The following TSTD2 variants were observed in gnomAD, a reference collection of about 807,000 sequenced individuals.
TSTD2 encodes the protein thiosulfate sulfurtransferase/rhodanese-like domain-containing protein 2.
In TSTD2, 37 loss-of-function variants were observed where a neutral mutation model predicts 47.9. The observed-to-expected ratio is 0.77, with a 90% confidence interval of 0.59 to 1.02. The LOEUF is 1.02. TSTD2 is among the 50% of genes least tolerant of loss of function. The probability of loss-of-function intolerance (pLI) is 0.00; values close to 1 mark genes in which losing one functional copy is unlikely to be tolerated. For synonymous variants in TSTD2, 201 were observed against 215.9 expected (o/e 0.93, Z 0.61); for missense variants, 586 against 616.0 (o/e 0.95, Z 0.52).
In TSTD2 at chr9:97,600,193, A is replaced by C; in HGVS notation, c.*2276T>G. ...TTGGAATTTTGAAAACCTCGATTAA[A>C]GTTGCCAAATTGATTACTGGATCCA... is the stretch of plus-strand genomic sequence containing the variant. On this transcript the variant is annotated 3_prime_UTR_variant, in exon 10 of 10. Coordinates refer to ENST00000341170, the MANE Select transcript of TSTD2 (RefSeq NM_139246.5). 2 of 995,866 alleles carry C rather than the reference A, an allele frequency of 2.0e-6. No individual in the cohort carries two copies. The highest frequency in any genetic ancestry group is 2.4e-6 in the Non-Finnish European group (2 of 835,058). The allele number at this position is 995,866 out of a possible 1,614,324, so 61.7% of individuals were successfully genotyped here.
chr9:97,613,806 T>G (rs1564007832), intron 4 of TSTD2, among the ~76,000 whole-genome samples: 2 of 151,920 alleles, frequency 1.3e-5, no homozygotes, highest in Non-Finnish European at 2.9e-5. Context: ...ACACATCAGT[T>G]GATGCCTCAC....
At chr9:97,623,065 T>C (rs769213208) in intron 3 of TSTD2, among the ~76,000 whole-genome samples, 19 of 152,212 alleles carry the variant, frequency 1.2e-4, no homozygotes, top group Non-Finnish European at 2.2e-4. Flanking sequence ...CAGAATGATA[T>C]GGTTTGATTG....
At chr9:97,618,115 T>C (rs1428282347) in intron 3 of TSTD2, among the ~76,000 whole-genome samples, 1 of 152,230 alleles carries the variant, frequency 6.6e-6, no homozygotes, top group Non-Finnish European at 1.5e-5. Flanking sequence ...CTTTGATCCC[T>C]CATTTAATGG....
Position 97,600,202 on chromosome 9 carries a change from A to G in TSTD2, c.*2267T>C. The G allele has an allele frequency of 2.4e-5, 24 of 995,670 alleles. No homozygotes were observed. Among genetic ancestry groups the G allele is most frequent in the Non-Finnish European group, 2.9e-5 (24 of 834,992 alleles). The allele number at this position is 995,670 out of a possible 1,614,324, so 61.7% of individuals were successfully genotyped here. On this transcript the variant is annotated 3_prime_UTR_variant, in exon 10 of 10. Coordinates refer to ENST00000341170, the MANE Select transcript of TSTD2 (RefSeq NM_139246.5). ...TGAAAACCTCGATTAAAGTTGCCAA[A>G]TTGATTACTGGATCCAGAACACAAT...
chr9:97,629,013 T>C (rs1826768065), intron 1 of TSTD2, among the ~76,000 whole-genome samples: 1 of 152,178 alleles, frequency 6.6e-6, no homozygotes, highest in Non-Finnish European at 1.5e-5. Flanking sequence ...GGTTATTTCA[T>C]ATTACTAGTG....
At position 97,604,927 on chromosome 9, in the gene TSTD2, G is replaced by A. The variant is rs143977872; in HGVS notation, c.1114-62C>T. On this transcript the variant is annotated intron_variant, in intron 8 of 9. Transcript: ENST00000341170. ...AGCAGAGACCTGTTAAGATGCTCAC[G>A]GAAGAACGGCGCATGGCGAGGAGTG... 34 of 1,593,656 alleles carry A rather than the reference G, an allele frequency of 2.1e-5. No homozygotes were observed. In the East Asian group the frequency reaches 5.6e-4, roughly 26 times the overall value.
At chr9:97,606,088 T>G in intron 7 of TSTD2, 55 bp downstream of exon 7, 1 of 1,269,836 alleles carries the variant, frequency 7.9e-7, no homozygotes, top group Non-Finnish European at 1.1e-6. Flanking sequence ...TATACCACAC[T>G]GTGGGAATGG....
Position 97,625,914 on chromosome 9 carries a change from C to T in TSTD2, c.249G>A (p.Arg83=). Residue 83 remains arginine (R), a synonymous_variant, in exon 3 of 10, where the codon CGG becomes CGA. Transcript: ENST00000341170. Reference sequence around the variant, plus strand: ...TGCTGGTTTGGTCTGTGAATAGCTGCCGACAGCATTTCCACAATTTTTCTT... The same window carrying T: ...TGCTGGTTTGGTCTGTGAATAGCTGTCGACAGCATTTCCACAATTTTTCTT... ...ECKEKLWKCC[R]QLFTDQTSIH... The T allele has an allele frequency of 6.2e-7, 1 of 1,614,102 alleles. No homozygotes were observed. The highest frequency in any genetic ancestry group is 8.5e-7 in the Non-Finnish European group (1 of 1,179,978).
At chr9:97,612,878 T>C (rs1826480557) in intron 4 of TSTD2, among the ~76,000 whole-genome samples, 1 of 152,246 alleles carries the variant, frequency 6.6e-6, no homozygotes, top group African/African-American at 2.4e-5. Flanking sequence ...TTTTCTAAAA[T>C]GGCATAGCCT....
Position 97,613,995 on chromosome 9 carries a change from A to T in TSTD2, c.604-2296T>A, listed in dbSNP as rs182264326. Among the ~76,000 whole-genome samples the T allele has an allele frequency of 2.6e-5, 4 of 151,672 alleles. No homozygotes were observed. The East Asian group carries it at 7.8e-4, about 30-fold the overall frequency. ...AGGTGCCCGCCACCACGCCCGGCTAATTTTTCATATTTTTAGTAGAGACGG... is the reference window on the plus strand; with the variant it reads ...AGGTGCCCGCCACCACGCCCGGCTATTTTTTCATATTTTTAGTAGAGACGG... On this transcript the variant is annotated intron_variant, in intron 4 of 9. Transcript: ENST00000341170.
intron 1 of TSTD2, among the ~76,000 whole-genome samples, chr9:97,629,623 C>T (rs1443185770): frequency 6.6e-6 from 1 of 152,180 alleles, no homozygotes; most frequent in African/African-American, 2.4e-5. Context: ...GAAAAAAGTA[C>T]ATCCCTAACT....
chr9:97,632,975 C>T (rs1186846057), intron 1 of TSTD2, among the ~76,000 whole-genome samples: 7 of 152,262 alleles, frequency 4.6e-5, no homozygotes, highest in African/African-American at 1.7e-4. Context: ...CACACACAGG[C>T]ATATAGGTAC....
chr9:97,605,456 CCA>C, intron 8 of TSTD2, 25 bp downstream of exon 8: 1 of 1,611,270 alleles, frequency 6.2e-7, no homozygotes, highest in Non-Finnish European at 8.5e-7. Context: ...ACTGCCATGC[CCA>C]CAGTGCCCCG....
intron 4 of TSTD2, among the ~76,000 whole-genome samples, chr9:97,611,982 CTTAG>C (rs1826468409): frequency 6.6e-6 from 1 of 151,968 alleles, no homozygotes; most frequent in African/African-American, 2.4e-5. Flanking sequence ...CTTAGTACCC[CTTAG>C]TTATGCTCCT....
chr9:97,604,216 C>T (rs186164677), intron 9 of TSTD2: 1 of 152,792 alleles, frequency 6.5e-6, no homozygotes, highest in East Asian at 1.9e-4. Context: ...GCAACTAGAA[C>T]ATGATATGAA....
At position 97,601,143 on chromosome 9, in the gene TSTD2, A is replaced by G. The variant is rs1054592380; in HGVS notation, c.*1326T>C. ...AGGCTGCACATGGCCCAGGAGTGGC[A>G]CCATGTTGCAGGGACAACCATCCCC... is the stretch of plus-strand genomic sequence containing the variant. On this transcript the variant is annotated 3_prime_UTR_variant, in exon 10 of 10. Transcript: ENST00000341170. 9 of 1,303,792 alleles carry G rather than the reference A, an allele frequency of 6.9e-6. No individual in the cohort carries two copies. The highest frequency in any genetic ancestry group is 9.1e-6 in the Non-Finnish European group (9 of 988,806). The allele number at this position is 1,303,792 out of a possible 1,614,324, so 80.8% of individuals were successfully genotyped here. A position where few individuals can be genotyped will look rare whatever the true frequency, so the allele number is the denominator to read the frequency against.
rs1285122602 is a variant in TSTD2 at position 97,604,685 on chromosome 9, GT to G, written c.1252+41del. 3 of 1,612,150 alleles carry G rather than the reference GT, an allele frequency of 1.9e-6. No individual in the cohort carries two copies. In the South Asian group the frequency reaches 3.3e-5, roughly 18 times the overall value. ...TTTTCTAGAATAGTGAACTGACAAT[GT>G]GCTTCATTTCAGTTTGGGCTCTGAG... On this transcript the variant is annotated intron_variant, in intron 9 of 9. Transcript: ENST00000341170.
chr9:97,609,140 C>A (rs1050824994), intron 6 of TSTD2, among the ~76,000 whole-genome samples: 1 of 151,970 alleles, frequency 6.6e-6, no homozygotes, highest in Non-Finnish European at 1.5e-5. Context: ...AAAAAGTAAA[C>A]TAATAATTTT....
chr9:97,615,048 C>T (rs1008684283), intron 4 of TSTD2, among the ~76,000 whole-genome samples: 12 of 152,174 alleles, frequency 7.9e-5, no homozygotes, highest in African/African-American at 2.9e-4. Flanking sequence ...TGTCTAAGTA[C>T]CTCTCTTGGG....
Sources: gnomAD v4.1 joint callset for allele counts (sites outside exome capture counted in the v4.1 genomes callset) on GRCh38, gnomAD v4.1.1 for gene constraint, MANE v1.5 for transcripts, NCBI Gene and HGNC (gene_info 2026-07-23, HGNC 2026-07-21) for gene names.